ATAD5: variants seen among roughly 807,000 people sequenced by gnomAD.
ATAD5 encodes ATPase family AAA domain-containing protein 5.
A neutral mutation model predicts 176.9 loss-of-function variants in ATAD5; 58 were observed. The observed-to-expected ratio is 0.33, with a 90% CI of 0.27 to 0.41. The LOEUF (loss-of-function observed/expected upper bound fraction) is 0.41. Ranked by LOEUF, ATAD5 falls within the 10% of genes least tolerant of loss-of-function variation. The pLI, the probability that ATAD5 is intolerant of heterozygous loss-of-function variation, is 1.00. For missense variants in ATAD5, 1,789 were observed against 2,094.1 expected (o/e 0.85, Z 2.84); for synonymous variants, 640 against 712.6 (o/e 0.90, Z 1.62).
chr17:30,888,476 C>T (rs770568069), intron 19 of ATAD5, among the ~76,000 whole-genome samples: 18 of 151,786 alleles, frequency 1.2e-4, no homozygotes, highest in South Asian at 2.1e-4. Flanking sequence ...TCTGGGAGAT[C>T]GAGGCTGCAG....
In ATAD5 at chr17:30,894,093, T is replaced by A. The variant is rs763836934; in HGVS notation, c.5240T>A (p.Phe1747Tyr). 2.5e-6 allele frequency: 4 copies of A among 1,602,582 alleles called. No individual in the cohort carries two copies. Among genetic ancestry groups the A allele is most frequent in the Non-Finnish European group, 3.4e-6 (4 of 1,172,582 alleles). Residue 1747 changes from phenylalanine to tyrosine, a missense_variant, in exon 21 of 23, where the codon TTT becomes TAT. By Grantham distance (22) the Phe-to-Tyr change is conservative. This residue lies in a region of ATAD5 where 403 missense variants were observed against 495.1 expected (regional missense o/e 0.81). Transcript: ENST00000321990. ...LGRDPTNDLT[F>Y]YVSQKRNNVY... is the part of the protein sequence containing the mutation. ...AGAGATCCAACCAACGATCTTACTT[T>A]TTATGTTTCACAAAAGCGCAATAAT...
chr17:30,838,798 T>G (rs1015632909), intron 3 of ATAD5, among the ~76,000 whole-genome samples: 1 of 152,192 alleles, frequency 6.6e-6, no homozygotes, highest in Non-Finnish European at 1.5e-5. Context: ...GTCTCAAAAT[T>G]AAATGTATCC....
At chr17:30,888,770 T>A (rs966364738) in intron 19 of ATAD5, among the ~76,000 whole-genome samples, 5 of 151,920 alleles carry the variant, frequency 3.3e-5, no homozygotes, top group African/African-American at 9.7e-5. Flanking sequence ...TGTTTAATTT[T>A]AAAAAAACAC....
intron 6 of ATAD5, among the ~76,000 whole-genome samples, chr17:30,846,613 G>A (rs994224278): frequency 2.6e-5 from 4 of 152,050 alleles, no homozygotes; most frequent in Middle Eastern, 3.4e-3. Flanking sequence ...ATGTTGGCCA[G>A]GATTGTCTCG....
At chr17:30,889,604 T>C (rs1450182722) in intron 19 of ATAD5, among the ~76,000 whole-genome samples, 2 of 151,520 alleles carry the variant, frequency 1.3e-5, no homozygotes, top group African/African-American at 4.8e-5. Context: ...TTATTTCTTA[T>C]TTTTTTTCAG....
Position 30,857,046 on chromosome 17 carries a change from T to C in ATAD5, c.2727T>C (p.Cys909=). Residue 909 remains cysteine (C), a synonymous_variant, in exon 8 of 23, where the codon TGT becomes TGC. Transcript: ENST00000321990. The stretch of plus-strand genomic sequence containing the variant: ...CTAAAGTAATAGATCTCTCAAAATG[T>C]GGTATTGCTCTTGGTGAATTTTCAA... ...LNTKVIDLSK[C]GIALGEFSTL... 6.2e-7 allele frequency: 1 copy of C among 1,611,106 alleles called. No homozygotes were observed. The highest frequency in any genetic ancestry group is 8.5e-7 in the Non-Finnish European group (1 of 1,179,354).
chr17:30,893,402 T>C lies in ATAD5; in HGVS notation c.4549T>C (p.Leu1517=), dbSNP rs891171000. 4 of 1,613,296 alleles carry C rather than the reference T, an allele frequency of 2.5e-6. No homozygotes were observed. In the Admixed American group the frequency reaches 6.7e-5, roughly 27 times the overall value. ...LYSNLEFILP[L]PVDTIPETKN... The stretch of plus-strand genomic sequence containing the variant: ...TAGTAATCTTGAGTTTATTCTACCA[T>C]TACCAGTTGATACCATTCCAGAAAC... Residue 1517 remains leucine, a synonymous_variant, in exon 21 of 23, where the codon TTA becomes CTA. Transcript: ENST00000321990.
At chr17:30,860,897 G>T (rs1260833919) in intron 10 of ATAD5, among the ~76,000 whole-genome samples, 2 of 150,256 alleles carry the variant, frequency 1.3e-5, no homozygotes, top group African/African-American at 4.9e-5. Flanking sequence ...GCACCCACCT[G>T]CACGCCCAGA....
chr17:30,876,794 G>T (rs1176248482), intron 15 of ATAD5, among the ~76,000 whole-genome samples: 1 of 136,254 alleles, frequency 7.3e-6, no homozygotes, highest in Non-Finnish European at 1.5e-5. Flanking sequence ...TTGGCTCACT[G>T]CAACCTCTTC....
At chr17:30,862,160 C>A (rs1907676155) in intron 10 of ATAD5, among the ~76,000 whole-genome samples, 1 of 151,106 alleles carries the variant, frequency 6.6e-6, no homozygotes, top group Non-Finnish European at 1.5e-5. Context: ...ATGGCAAAAC[C>A]CTGTCTCTAC....
At chr17:30,832,440 GTTCC>G in intron 1 of ATAD5, 27 bp downstream of exon 1, 1 of 1,513,244 alleles carries the variant, frequency 6.6e-7, no homozygotes. Context: ...GATCTGTTGA[GTTCC>G]TTCCTCTATC....
Position 30,877,519 on chromosome 17 carries a change from A to T in ATAD5, c.3888A>T (p.Lys1296Asn). Reference protein sequence around the residue: ...KDVGAEEPSRKNATSLILFEE... With the variant: ...KDVGAEEPSRNNATSLILFEE... ...TTGGAGCTGAAGAACCCAGCAGAAA[A>T]AATGCAACATCTCTTATTCTTTTTG... The change falls in exon 16 of 23, where the codon AAA (lysine) becomes AAT (asparagine). Residue 1296 changes from lysine to asparagine, a missense_variant. By Grantham distance (94) the Lys-to-Asn change is moderately conservative. This residue lies in a region of ATAD5 where 194 missense variants were observed against 270.1 expected (regional missense o/e 0.72). Coordinates refer to ENST00000321990, the MANE Select transcript of ATAD5 (RefSeq NM_024857.5). 6.2e-7 allele frequency: 1 copy of T among 1,611,602 alleles called. No individual in the cohort carries two copies. The highest frequency in any genetic ancestry group is 8.5e-7 in the Non-Finnish European group (1 of 1,179,380).
Position 30,855,308 on chromosome 17 carries a change from T to C in ATAD5, c.2616T>C (p.His872=), listed in dbSNP as rs545662911. The C allele has an allele frequency of 1.9e-6, 3 of 1,591,524 alleles. No individual in the cohort carries two copies. The South Asian group carries it at 3.5e-5, about 18-fold the overall frequency. The change falls in exon 7 of 23, where the codon CAT becomes CAC. Residue 872 remains histidine (H), a synonymous_variant. Transcript: ENST00000321990. The stretch of plus-strand genomic sequence containing the variant: ...GTACCAGTTTCCAGAGAGTCGTACA[T>C]GTGCAACAAAAGGATGATGGTAAGT... The part of the protein sequence containing the change: ...AVSTSFQRVV[H]VQQKDDGCCL...
chr17:30,895,039 T>G lies in ATAD5; in HGVS notation c.*126T>G. On this transcript the variant is annotated 3_prime_UTR_variant, in exon 23 of 23. Transcript: ENST00000321990. ...CATTTTAAACAAACAATTTGTATAT[T>G]TTTTTATTGGCGGGTAAATATTTAA... 1 of 579,742 alleles carries G rather than the reference T, an allele frequency of 1.7e-6. No individual in the cohort carries two copies. Among genetic ancestry groups the G allele is most frequent in the Non-Finnish European group, 2.7e-6 (1 of 368,126 alleles). 35.9% of individuals were successfully genotyped at this position (579,742 alleles called of 1,614,324 possible).
intron 3 of ATAD5, among the ~76,000 whole-genome samples, chr17:30,839,178 C>T (rs999984194): frequency 1.3e-5 from 2 of 152,078 alleles, no homozygotes; most frequent in African/African-American, 2.4e-5. Context: ...ACTGGTTCCC[C>T]TAAGAGCCCC....
In ATAD5 at chr17:30,834,785, A is replaced by G. The variant is rs1371668278; in HGVS notation, c.704A>G (p.Asp235Gly). The G allele has an allele frequency of 6.2e-7, 1 of 1,614,130 alleles. No individual in the cohort carries two copies. The highest frequency in any genetic ancestry group is 8.5e-7 in the Non-Finnish European group (1 of 1,179,982). ...ELNLLKKDGK[D>G]TKQMENTTSH... ...AATTTGCTTAAAAAAGATGGTAAAGATACTAAACAGATGGAGAATACTACA... is the reference window on the plus strand; with the variant it reads ...AATTTGCTTAAAAAAGATGGTAAAGGTACTAAACAGATGGAGAATACTACA... The change falls in exon 2 of 23, where the codon GAT becomes GGT. Residue 235 changes from aspartate (D) to glycine (G), a missense_variant. Around this residue, in one of 6 missense-constraint regions of ATAD5, gnomAD observed 696 missense variants for 712.5 expected, o/e 0.98. Transcript: ENST00000321990.
intron 6 of ATAD5, among the ~76,000 whole-genome samples, chr17:30,845,716 G>A (rs1416644472): frequency 6.6e-6 from 1 of 152,162 alleles, no homozygotes; most frequent in Non-Finnish European, 1.5e-5. Context: ...AAGTTTAATT[G>A]GCCTGCTGGA....
chr17:30,850,831 T>TATATA (rs1906846422), intron 6 of ATAD5, among the ~76,000 whole-genome samples: 3 of 62,586 alleles, frequency 4.8e-5, no homozygotes, highest in South Asian at 4.2e-4. Context: ...ATTTATATAT[T>TATATA]TTTATATATA....
chr17:30,835,579 A>T lies in ATAD5; in HGVS notation c.1498A>T (p.Thr500Ser), dbSNP rs781657237. The T allele has an allele frequency of 3.1e-6, 5 of 1,611,932 alleles. No individual in the cohort carries two copies. The highest frequency in any genetic ancestry group is 4.2e-6 in the Non-Finnish European group (5 of 1,178,664). The change falls in exon 2 of 23, where the codon ACT (threonine) becomes TCT (serine). Residue 500 changes from threonine to serine, a missense_variant. Transcript: ENST00000321990. ...AIPGKNREGN[T>S]QKKETTFFLK... The stretch of plus-strand genomic sequence containing the variant: ...TCCAGGCAAAAACAGAGAGGGAAAC[A>T]CTCAAAAGAAAGAAACAACCTTTTT...
Sources: gnomAD v4.1 joint callset for allele counts (sites outside exome capture counted in the v4.1 genomes callset) on GRCh38, gnomAD v4.1.1 for gene constraint, gnomAD v4.1.1 regional missense constraint, MANE v1.5 for transcripts, NCBI Gene and HGNC (gene_info 2026-07-23, HGNC 2026-07-21) for gene names.